LRRC4C: variants seen among roughly 807,000 people sequenced by gnomAD.
The protein encoded by LRRC4C is leucine-rich repeat-containing protein 4C.
Under a neutral mutation model 33.6 loss-of-function variants are expected in LRRC4C, and 5 were observed. The ratio of observed to expected loss-of-function variants is 0.15; its 90% CI spans 0.08 to 0.31. LRRC4C has a LOEUF of 0.31. LRRC4C is among the 10% of genes least tolerant of loss of function. The probability of loss-of-function intolerance (pLI) is 1.00; values close to 1 mark genes in which losing one functional copy is unlikely to be tolerated. For missense variants in LRRC4C, 560 were observed against 796.7 expected, an observed-to-expected ratio of 0.70 and a Z score of 3.58; for synonymous variants, 329 against 302.0, an observed-to-expected ratio of 1.09 and a Z score of -0.93.
intron 3 of LRRC4C, among the ~76,000 whole-genome samples, chr11:40,414,255 A>G (rs1392549437): frequency 6.6e-6 from 1 of 152,144 alleles, no homozygotes; most frequent in Non-Finnish European, 1.5e-5. Flanking sequence ...GAGGATTGGT[A>G]TTTAAATGAA....
chr11:41,425,905 G>T (rs1955023002), intron 1 of LRRC4C, among the ~76,000 whole-genome samples: 2 of 152,084 alleles, frequency 1.3e-5, no homozygotes, highest in South Asian at 4.1e-4. Context: ...TTGCCTTTTA[G>T]ATAGAGCCCA....
At chr11:40,211,666 T>A (rs1379170747) in intron 5 of LRRC4C, among the ~76,000 whole-genome samples, 1 of 152,208 alleles carries the variant, frequency 6.6e-6, no homozygotes, top group Non-Finnish European at 1.5e-5. Context: ...TTTCCCAGAA[T>A]CTTGTACCCA....
chr11:41,062,549 G>A (rs935818112), intron 1 of LRRC4C, among the ~76,000 whole-genome samples: 4 of 152,140 alleles, frequency 2.6e-5, no homozygotes, highest in South Asian at 2.1e-4. Context: ...ATTAAATCCA[G>A]GAAACAACTC....
chr11:41,404,060 G>A (rs141398442), intron 1 of LRRC4C, among the ~76,000 whole-genome samples: 56 of 152,168 alleles, frequency 3.7e-4, no homozygotes, highest in Middle Eastern at 6.8e-3. Context: ...TAAATTATGA[G>A]AGGTATCAGA....
chr11:40,947,109 T>G (rs370808379), intron 1 of LRRC4C, among the ~76,000 whole-genome samples: 1 of 152,134 alleles, frequency 6.6e-6, no homozygotes, highest in African/African-American at 2.4e-5. Flanking sequence ...GAATAACCTT[T>G]GGAAATACAG....
At chr11:41,309,096 C>A (rs976818457) in intron 1 of LRRC4C, among the ~76,000 whole-genome samples, 16 of 152,310 alleles carry the variant, frequency 1.1e-4, no homozygotes, top group Admixed American at 1.0e-3. Flanking sequence ...CACACCGGGG[C>A]TCCAGAGACT....
chr11:41,136,886 G>A (rs189443650), intron 1 of LRRC4C, among the ~76,000 whole-genome samples: 2 of 152,304 alleles, frequency 1.3e-5, no homozygotes, highest in Non-Finnish European at 2.9e-5. Context: ...TTAACTTTAA[G>A]TGTGATATTG....
intron 5 of LRRC4C, among the ~76,000 whole-genome samples, chr11:40,157,378 A>C (rs1231630107): frequency 4.6e-5 from 7 of 152,198 alleles, no homozygotes; most frequent in Admixed American, 2.6e-4. Context: ...AGAACCCCCC[A>C]AAAATGCAAT....
chr11:40,392,807 AAAAT>A (rs1444133236), intron 3 of LRRC4C, among the ~76,000 whole-genome samples: 1 of 152,140 alleles, frequency 6.6e-6, no homozygotes, highest in African/African-American at 2.4e-5. Context: ...ATGGGAGACA[AAAAT>A]AAATAAATAA....
intron 2 of LRRC4C, among the ~76,000 whole-genome samples, chr11:40,659,083 G>A (rs1026477614): frequency 2.0e-5 from 3 of 152,202 alleles, no homozygotes; most frequent in South Asian, 2.1e-4. Flanking sequence ...GGCCCAGGAA[G>A]CCCCTACATC....
At chr11:40,652,409 A>G (rs566341578) in intron 2 of LRRC4C, among the ~76,000 whole-genome samples, 8 of 152,354 alleles carry the variant, frequency 5.3e-5, no homozygotes, top group African/African-American at 1.9e-4. Context: ...ATAGACTTGT[A>G]TAGGAAGAGA....
In LRRC4C at chr11:41,256,378, G is replaced by T. The variant is rs142718600; in HGVS notation, c.-496+203053C>A. 7.3e-3 allele frequency among the ~76,000 whole-genome samples: 1,115 copies of T among 151,984 alleles called. 15 individuals are homozygous for T. Among genetic ancestry groups the T allele is most frequent in the African/African-American group, 0.025 (1,020 of 41,464 alleles). ...CTTATCCAAATCAGTAAACCAATCA[G>T]TTACTCCCTCATACTACCACTGTTG... On this transcript the variant is annotated intron_variant, in intron 1 of 6. Transcript: ENST00000528697.
At chr11:40,665,323 AAAATATATATATATATATATATAT>A (rs1284658365) in intron 2 of LRRC4C, among the ~76,000 whole-genome samples, 1 of 10,938 alleles carries the variant, frequency 9.1e-5, no homozygotes, top group Non-Finnish European at 1.8e-4. Context: ...AAAAAAAAAA[AAAATATATATATATATATATATAT>A]ATATATATAT....
chr11:40,643,297 A>C (rs2132218), intron 3 of LRRC4C, among the ~76,000 whole-genome samples: 24,762 of 152,202 alleles, frequency 0.16, 2,474 homozygotes, highest in Admixed American at 0.26. Flanking sequence ...CCCATACATA[A>C]GAGAAAAATG....
At chr11:40,662,281 G>A (rs1432063272) in intron 2 of LRRC4C, among the ~76,000 whole-genome samples, 2 of 152,072 alleles carry the variant, frequency 1.3e-5, no homozygotes, top group South Asian at 4.1e-4. Flanking sequence ...TCTTACCCCT[G>A]TTAAGTCCAG....
At chr11:40,345,885 C>A (rs1947105611) in intron 3 of LRRC4C, among the ~76,000 whole-genome samples, 1 of 151,324 alleles carries the variant, frequency 6.6e-6, no homozygotes, top group African/African-American at 2.4e-5. Context: ...AAAAAGTGGG[C>A]AAATATATGA....
intron 1 of LRRC4C, among the ~76,000 whole-genome samples, chr11:41,362,420 A>G (rs1453891286): frequency 2.0e-5 from 3 of 152,170 alleles, no homozygotes; most frequent in Admixed American, 2.0e-4. Flanking sequence ...CTTCAGCACC[A>G]TGGATTTTGA....
intron 3 of LRRC4C, among the ~76,000 whole-genome samples, chr11:40,604,740 G>A (rs1960386743): frequency 6.6e-6 from 1 of 151,822 alleles, no homozygotes; most frequent in Admixed American, 6.6e-5. Flanking sequence ...TCTCAGATAG[G>A]AGAATATGCT....
intron 3 of LRRC4C, among the ~76,000 whole-genome samples, chr11:40,501,999 C>T (rs1954798027): frequency 6.6e-6 from 1 of 152,126 alleles, no homozygotes; most frequent in Non-Finnish European, 1.5e-5. Flanking sequence ...TTTCTTCTGC[C>T]AGATACCCTA....
Sources: gnomAD v4.1 joint callset for allele counts (sites outside exome capture counted in the v4.1 genomes callset) on GRCh38, gnomAD v4.1.1 for gene constraint, MANE v1.5 for transcripts, NCBI Gene and HGNC (gene_info 2026-07-23, HGNC 2026-07-21) for gene names.